Variants in PACRG observed in about 807,000 individuals in gnomAD.
PACRG encodes parkin coregulated gene protein.
In PACRG, 29 loss-of-function variants were observed where a neutral mutation model predicts 29.7. The observed-to-expected ratio is 0.98, with a 90% CI of 0.73 to 1.33. The LOEUF (loss-of-function observed/expected upper bound fraction) is 1.33. Ranked by LOEUF, PACRG falls within the 40% of genes most tolerant of loss-of-function variation. PACRG has a pLI of 0.00. For missense variants in PACRG, 279 were observed against 316.2 expected (o/e 0.88, Z 0.89); for synonymous variants, 116 against 118.7 (o/e 0.98, Z 0.15).
intron 4 of PACRG, among the ~76,000 whole-genome samples, chr6:163,272,894 T>TC (rs1198429228): frequency 8.7e-6 from 1 of 115,080 alleles, no homozygotes; most frequent in Non-Finnish European, 1.8e-5. Context: ...GCATCATTCT[T>TC]TTTTTTTTTT....
chr6:163,118,021 T>C (rs1396560461), intron 4 of PACRG, among the ~76,000 whole-genome samples: 3 of 152,174 alleles, frequency 2.0e-5, no homozygotes, highest in African/African-American at 2.4e-5. Context: ...AACTGGGACA[T>C]AGAAAACCTC....
intron 4 of PACRG, among the ~76,000 whole-genome samples, chr6:163,177,139 T>G (rs1227010728): frequency 1.3e-5 from 2 of 152,028 alleles, no homozygotes; most frequent in Non-Finnish European, 2.9e-5. Context: ...TGCACAGAAA[T>G]AACAACATAA....
intron 2 of PACRG, among the ~76,000 whole-genome samples, chr6:163,020,813 A>G: frequency 6.6e-6 from 1 of 152,108 alleles, no homozygotes; most frequent in South Asian, 2.1e-4. Context: ...CTCATTTGGA[A>G]GGAAGAGCTG....
At chr6:163,187,725 C>T (rs1780017237) in intron 4 of PACRG, 1 of 152,450 alleles carries the variant, frequency 6.6e-6, no homozygotes, top group Non-Finnish European at 1.5e-5. Context: ...AAGAGCTTCT[C>T]TGGGGAGGAA....
chr6:163,228,526 T>C (rs16894663), intron 4 of PACRG, among the ~76,000 whole-genome samples: 23,190 of 152,152 alleles, frequency 0.15, 1,872 homozygotes, highest in Admixed American at 0.21. Flanking sequence ...TAGATTAAGA[T>C]AGTGCACGGG....
At chr6:162,972,138 T>C (rs1406823944) in intron 2 of PACRG, among the ~76,000 whole-genome samples, 4 of 152,222 alleles carry the variant, frequency 2.6e-5, no homozygotes, top group South Asian at 2.1e-4. Flanking sequence ...TTTAAGACTT[T>C]GGCGAGTCTC....
chr6:163,298,827 C>T (rs1014644752), intron 4 of PACRG, among the ~76,000 whole-genome samples: 10 of 152,232 alleles, frequency 6.6e-5, no homozygotes, highest in African/African-American at 2.4e-4. Context: ...TTTGCCTTTG[C>T]TGTTCTGCAC....
intron 2 of PACRG, among the ~76,000 whole-genome samples, chr6:162,901,784 G>A (rs1337436114): frequency 3.3e-5 from 5 of 152,082 alleles, no homozygotes; most frequent in Admixed American, 2.6e-4. Flanking sequence ...CATTCCTAGC[G>A]GGTAAAGATG....
chr6:162,924,864 A>G (rs1198372499), intron 2 of PACRG, among the ~76,000 whole-genome samples: 2 of 152,160 alleles, frequency 1.3e-5, no homozygotes, highest in Admixed American at 6.6e-5. Flanking sequence ...CAAAAAAATC[A>G]ATCAATCCAG....
chr6:162,856,746 C>A (rs943625390), intron 2 of PACRG, among the ~76,000 whole-genome samples: 1 of 152,124 alleles, frequency 6.6e-6, no homozygotes, highest in African/African-American at 2.4e-5. Context: ...TACAAATAGC[C>A]GTTTGAATAA....
intron 4 of PACRG, among the ~76,000 whole-genome samples, chr6:163,176,795 C>T (rs771332342): frequency 2.0e-5 from 3 of 152,128 alleles, no homozygotes; most frequent in East Asian, 1.9e-4. Context: ...GCGTGAGTAA[C>T]GTCTTTGAAC....
chr6:162,815,194 A>C (rs1787229302), intron 2 of PACRG, among the ~76,000 whole-genome samples: 1 of 152,158 alleles, frequency 6.6e-6, no homozygotes, highest in African/African-American at 2.4e-5. Context: ...GCCAACTATT[A>C]GTTAAATTAA....
At chr6:163,193,560 G>C (rs1780313749) in intron 4 of PACRG, among the ~76,000 whole-genome samples, 1 of 152,142 alleles carries the variant, frequency 6.6e-6, no homozygotes, top group Admixed American at 6.5e-5. Context: ...TGCGGAACAG[G>C]GCGGCATGGT....
At chr6:163,104,693 T>C (rs1396248778) in intron 4 of PACRG, among the ~76,000 whole-genome samples, 1 of 152,240 alleles carries the variant, frequency 6.6e-6, no homozygotes, top group Non-Finnish European at 1.5e-5. Context: ...ATTTACACAA[T>C]GTTTTCATTT....
intron 4 of PACRG, among the ~76,000 whole-genome samples, chr6:163,161,368 G>T (rs1177118250): frequency 6.6e-6 from 1 of 152,010 alleles, no homozygotes; most frequent in Non-Finnish European, 1.5e-5. Flanking sequence ...GTGAACTGTT[G>T]TTTGGTTTGG....
Position 163,221,563 on chromosome 6 carries a change from G to A in PACRG, c.614-93264G>A, listed in dbSNP as rs150348937. Among the ~76,000 whole-genome samples the A allele has an allele frequency of 2.8e-4, 43 of 152,336 alleles. No homozygotes were observed. In the East Asian group the frequency reaches 6.9e-3, roughly 25 times the overall value. On this transcript the variant is annotated intron_variant, in intron 4 of 4. Coordinates refer to ENST00000366888, the MANE Select transcript of PACRG (RefSeq NM_001080379.2). Reference sequence around the variant, plus strand: ...GTTGAAGCTGGAATCCTAGGCTTCCGCCTGATTATCAGAAAGGAGGGTATT... The same window carrying A: ...GTTGAAGCTGGAATCCTAGGCTTCCACCTGATTATCAGAAAGGAGGGTATT...
At chr6:163,313,247 A>G (rs2128194699) in intron 4 of PACRG, among the ~76,000 whole-genome samples, 1 of 152,248 alleles carries the variant, frequency 6.6e-6, no homozygotes, top group Non-Finnish European at 1.5e-5. Context: ...TGGCTTTGTG[A>G]ACCATTTTAA....
At chr6:163,100,980 G>A in intron 4 of PACRG, 1 of 984,404 alleles carries the variant, frequency 1.0e-6, no homozygotes, top group South Asian at 4.7e-5. Context: ...GTTCTGTTCA[G>A]AGCCCTCGAA....
In PACRG at chr6:162,727,991, C is replaced by T. The variant is rs183571508; in HGVS notation, c.-245C>T. The T allele has an allele frequency of 3.4e-3, 2,088 of 617,260 alleles. 20 individuals are homozygous for T. The African/African-American group carries it at 0.034, about 10-fold the overall frequency. 38.2% of individuals were successfully genotyped at this position (617,260 alleles called of 1,614,324 possible). On this transcript the variant is annotated 5_prime_UTR_variant, in exon 1 of 5. Transcript: ENST00000366888. ...GACCAGTCGCTTAGCAACCGGGAGGCTTACCTTTGGAAGCTTGTTGCAGCT... is the reference window on the plus strand; with the variant it reads ...GACCAGTCGCTTAGCAACCGGGAGGTTTACCTTTGGAAGCTTGTTGCAGCT...
Sources: allele counts gnomAD v4.1 joint callset (sites outside exome capture counted in the v4.1 genomes callset), GRCh38; gene constraint gnomAD v4.1.1; transcripts MANE v1.5; gene names NCBI Gene and HGNC (gene_info 2026-07-23, HGNC 2026-07-21).